The following NEMP2 variants were observed in gnomAD, a reference collection of about 807,000 sequenced individuals.
NEMP2 encodes the protein nuclear envelope integral membrane protein 2.
A neutral mutation model predicts 54.2 loss-of-function variants in NEMP2; 53 were observed. The ratio of observed to expected loss-of-function variants is 0.98; its 90% CI spans 0.78 to 1.23. The LOEUF is 1.23. Ranked by LOEUF, NEMP2 falls within the 50% of genes most tolerant of loss-of-function variation. The probability of loss-of-function intolerance (pLI) is 0.00; values close to 1 mark genes in which losing one functional copy is unlikely to be tolerated. For synonymous variants in NEMP2, 197 were observed against 190.3 expected, an observed-to-expected ratio of 1.04 and a Z score of -0.29; for missense variants, 455 against 511.3, an observed-to-expected ratio of 0.89 and a Z score of 1.06.
chr2:190,629,860 T>G, the NEMP2 span: 2 of 152,252 alleles, frequency 1.3e-5, no homozygotes, highest in Non-Finnish European at 2.9e-5. Flanking sequence ...ACGGAAATTT[T>G]AAAACAAGTG....
the NEMP2 span, among the ~76,000 whole-genome samples, chr2:190,485,803 TA>T: frequency 0.31 from 44,213 of 144,318 alleles, 7,023 homozygotes; most frequent in East Asian, 0.47. This position sits in a 1 kb window ranked among gnomAD's most constrained non-coding sequence, Gnocchi z 5.1. Flanking sequence ...TCTTACTAGT[TA>T]AAAAAAAAAA....
the NEMP2 span, among the ~76,000 whole-genome samples, chr2:190,473,938 A>C: frequency 6.6e-6 from 1 of 152,234 alleles, no homozygotes; most frequent in Non-Finnish European, 1.5e-5. Context: ...AGTACATGGA[A>C]ACTGAACAAC....
At chr2:190,503,579 T>C (rs1298502729), downstream of NEMP2, among the ~76,000 whole-genome samples, 1 of 152,168 alleles carries the variant, frequency 6.6e-6, no homozygotes, top group African/African-American at 2.4e-5. This position sits in a 1 kb window ranked among gnomAD's most constrained non-coding sequence, Gnocchi z 6.3. Context: ...GTTGATTCTA[T>C]GAAAATGAAG....
chr2:190,441,195 G>A, the NEMP2 span, among the ~76,000 whole-genome samples: 21 of 152,030 alleles, frequency 1.4e-4, no homozygotes, highest in Non-Finnish European at 2.2e-4. Flanking sequence ...TCCTTGCCCC[G>A]TATGAAAGGG....
the NEMP2 span, among the ~76,000 whole-genome samples, chr2:190,480,086 C>T: frequency 3.3e-5 from 5 of 152,290 alleles, no homozygotes; most frequent in African/African-American, 1.2e-4. Context: ...TTGCTTGACC[C>T]CAAAAGGTTG....
the NEMP2 span, among the ~76,000 whole-genome samples, chr2:190,607,037 G>GT: frequency 6.6e-6 from 1 of 152,196 alleles, no homozygotes; most frequent in Non-Finnish European, 1.5e-5. The surrounding 1 kb of genome is among the most constrained non-coding windows in gnomAD (Gnocchi z 5.2). Context: ...GTGCTGACAT[G>GT]TGAGGCACTT....
chr2:190,561,731 T>TA, the NEMP2 span, among the ~76,000 whole-genome samples: 19 of 152,180 alleles, frequency 1.2e-4, no homozygotes, highest in Non-Finnish European at 2.1e-4. The surrounding 1 kb of genome is among the most constrained non-coding windows in gnomAD (Gnocchi z 5.4). Flanking sequence ...TCTATCTTTT[T>TA]AAAAATCAAA....
the NEMP2 span, among the ~76,000 whole-genome samples, chr2:190,543,250 G>A: frequency 6.6e-6 from 1 of 152,184 alleles, no homozygotes; most frequent in African/African-American, 2.4e-5. This position sits in a 1 kb window ranked among gnomAD's most constrained non-coding sequence, Gnocchi z 4.7. Flanking sequence ...GGTACCTGTG[G>A]AACAAACCTC....
chr2:190,441,531 T>C, the NEMP2 span, among the ~76,000 whole-genome samples: 6 of 152,102 alleles, frequency 3.9e-5, no homozygotes, highest in Non-Finnish European at 7.4e-5. Flanking sequence ...TTCCAGCTCA[T>C]GCAGCATGTT....
the NEMP2 span, among the ~76,000 whole-genome samples, chr2:190,495,422 C>T: frequency 6.6e-6 from 1 of 152,138 alleles, no homozygotes; most frequent in Admixed American, 6.5e-5. This position sits in a 1 kb window ranked among gnomAD's most constrained non-coding sequence, Gnocchi z 4.7. Context: ...GACCATACTG[C>T]TAAAAGCAAT....
At chr2:190,535,606 A>C (rs1002982786), upstream of NEMP2, among the ~76,000 whole-genome samples, 3 of 152,248 alleles carry the variant, frequency 2.0e-5, no homozygotes, top group Non-Finnish European at 2.9e-5. Flanking sequence ...AAAGTAACAG[A>C]AATTATCCTG....
the NEMP2 span, among the ~76,000 whole-genome samples, chr2:190,603,611 T>C: frequency 1.4e-5 from 2 of 146,856 alleles, no homozygotes; most frequent in African/African-American, 2.6e-5. Context: ...GTGTGCTGAA[T>C]TGCACTGAAC....
chr2:190,586,887 C>T, the NEMP2 span, among the ~76,000 whole-genome samples: 1 of 152,268 alleles, frequency 6.6e-6, no homozygotes, highest in African/African-American at 2.4e-5. This position sits in a 1 kb window ranked among gnomAD's most constrained non-coding sequence, Gnocchi z 4.5. Context: ...AAATATATGC[C>T]TTGACTTCTA....
At chr2:190,617,578 C>T in the NEMP2 span, among the ~76,000 whole-genome samples, 1 of 152,164 alleles carries the variant, frequency 6.6e-6, no homozygotes, top group African/African-American at 2.4e-5. The surrounding 1 kb of genome is among the most constrained non-coding windows in gnomAD (Gnocchi z 5.0). Flanking sequence ...CAGAGAGTTT[C>T]CATTTGACCC....
At chr2:190,620,407 G>A in the NEMP2 span, 2 of 152,224 alleles carry the variant, frequency 1.3e-5, no homozygotes, top group Admixed American at 1.3e-4. The surrounding 1 kb of genome is among the most constrained non-coding windows in gnomAD (Gnocchi z 4.9). Flanking sequence ...GCAACATCCA[G>A]CCTTTTCCAG....
chr2:190,550,352 T>A, the NEMP2 span, among the ~76,000 whole-genome samples: 3,408 of 152,232 alleles, frequency 0.022, 129 homozygotes, highest in African/African-American at 0.078. This position sits in a 1 kb window ranked among gnomAD's most constrained non-coding sequence, Gnocchi z 4.7. Flanking sequence ...CTGGTGCATC[T>A]TTTATAAGGG....
the NEMP2 span, among the ~76,000 whole-genome samples, chr2:190,446,440 C>T: frequency 2.0e-5 from 3 of 152,194 alleles, no homozygotes; most frequent in Non-Finnish European, 2.9e-5. Flanking sequence ...CCAACTGCTA[C>T]AGCTCCCTAG....
rs1011438699 is a variant in NEMP2, at chr2:190,522,358, C to A, written c.213+2905G>T. On this transcript the variant is annotated intron_variant, in intron 2 of 8. Coordinates refer to ENST00000409150, the MANE Select transcript of NEMP2 (RefSeq NM_001142645.2). This position sits in a 1 kb window ranked among gnomAD's most constrained non-coding sequence, Gnocchi z 5.0. ...CCATGTGACAAACCTGCACATGTACCCCCAAATCTAAAAAATTAAAAATTA... is the reference window on the plus strand; with the variant it reads ...CCATGTGACAAACCTGCACATGTACACCCAAATCTAAAAAATTAAAAATTA... Among the ~76,000 whole-genome samples the A allele has an allele frequency of 6.6e-6, 1 of 151,622 alleles. No individual in the cohort carries two copies. Among genetic ancestry groups the A allele is most frequent in the African/African-American group, 2.4e-5 (1 of 41,196 alleles).
chr2:190,535,528 A>G (rs1691346789), upstream of NEMP2, among the ~76,000 whole-genome samples: 1 of 152,224 alleles, frequency 6.6e-6, no homozygotes, highest in South Asian at 2.1e-4. Context: ...ATTTGACTCA[A>G]TATTCCATAC....
Sources: allele counts gnomAD v4.1 joint callset (sites outside exome capture counted in the v4.1 genomes callset), GRCh38; gene constraint gnomAD v4.1.1; non-coding constraint Gnocchi (gnomAD v3.1); transcripts MANE v1.5; gene names NCBI Gene and HGNC (gene_info 2026-07-23, HGNC 2026-07-21).